Variants in ITIH6 observed in about 807,000 individuals in gnomAD.
ITIH6 encodes the protein inter-alpha-trypsin inhibitor heavy chain H6.
A neutral mutation model predicts 58.2 loss-of-function variants in ITIH6; 60 were observed. That is an observed-to-expected ratio of 1.03 (90% CI 0.84 to 1.28). The LOEUF is 1.28. Ranked by LOEUF, ITIH6 falls within the 50% of genes most tolerant of loss-of-function variation. ITIH6 has a pLI of 0.00. For synonymous variants in ITIH6, 493 were observed against 417.4 expected, an observed-to-expected ratio of 1.18 and a Z score of -2.21; for missense variants, 1,290 against 1,021.1, an observed-to-expected ratio of 1.26 and a Z score of -3.59.
rs184520476 is a variant in ITIH6, at chrX:54,752,022, C to T, written c.3353-642G>A. Among the ~76,000 whole-genome samples the T allele has an allele frequency of 2.7e-5, 3 of 111,495 alleles. No individual in the cohort carries two copies. The Admixed American group carries it at 2.9e-4, about 11-fold the overall frequency. ...TTGTATGCCCGAGTGTGTTGATGTC[C>T]ATGCCATTGTGTATATCTGGGCATG... On this transcript the variant is annotated intron_variant, in intron 11 of 12. Coordinates refer to ENST00000218436, the MANE Select transcript of ITIH6 (RefSeq NM_198510.3).
chrX:54,794,255 C>G (rs1365869617), intron 2 of ITIH6, among the ~76,000 whole-genome samples: 1 of 110,710 alleles, frequency 9.0e-6, no homozygotes, highest in Non-Finnish European at 1.9e-5. Flanking sequence ...TGTGTGTGTG[C>G]TGCCTCCAGC....
chrX:54,784,103 A>C (rs1429185817), intron 5 of ITIH6, among the ~76,000 whole-genome samples: 1 of 112,010 alleles, frequency 8.9e-6, no homozygotes, highest in Non-Finnish European at 1.9e-5. Context: ...AGTCGCCTCA[A>C]TAAATGGTGC....
At chrX:54,772,507 T>C (rs1928973720) in intron 6 of ITIH6, among the ~76,000 whole-genome samples, 1 of 112,378 alleles carries the variant, frequency 8.9e-6, no homozygotes, top group South Asian at 3.7e-4. Context: ...AAAATAAAAG[T>C]TGGAAAAAAA....
chrX:54,766,198 T>A (rs1386781669), intron 6 of ITIH6, among the ~76,000 whole-genome samples: 1 of 109,726 alleles, frequency 9.1e-6, no homozygotes, highest in Non-Finnish European at 1.9e-5. Flanking sequence ...CTGTCTGTTG[T>A]TGGTGTATAG....
At chrX:54,794,140 G>A (rs189363179) in intron 2 of ITIH6, among the ~76,000 whole-genome samples, 1 of 109,641 alleles carries the variant, frequency 9.1e-6, no homozygotes, top group East Asian at 2.9e-4. Flanking sequence ...GTATTGCTGT[G>A]GCTGGGCTAG....
chrX:54,770,587 C>T (rs1928929495), intron 6 of ITIH6, among the ~76,000 whole-genome samples: 1 of 112,482 alleles, frequency 8.9e-6, no homozygotes, highest in South Asian at 3.6e-4. Flanking sequence ...TTTCAAATAA[C>T]ACTATACAGC....
At chrX:54,775,498 A>C (rs1017267074) in intron 5 of ITIH6, among the ~76,000 whole-genome samples, 4 of 111,195 alleles carry the variant, frequency 3.6e-5, no homozygotes, top group African/African-American at 1.3e-4. Context: ...CAGCCTAAGG[A>C]AAGGAGGTCC....
At chrX:54,792,371 G>A (rs769550137) in intron 2 of ITIH6, among the ~76,000 whole-genome samples, 3 of 111,447 alleles carry the variant, frequency 2.7e-5, no homozygotes, top group African/African-American at 6.5e-5. Context: ...TTTTAGGTAC[G>A]ATATAACCGA....
chrX:54,750,777 C>T (rs1409864418), intron 12 of ITIH6, among the ~76,000 whole-genome samples: 2 of 111,824 alleles, frequency 1.8e-5, no homozygotes, highest in Non-Finnish European at 3.8e-5. Flanking sequence ...AATTCCCCCA[C>T]TCTGGTTTTC....
chrX:54,760,086 C>T (rs1329512113), intron 6 of ITIH6, among the ~76,000 whole-genome samples, 159 bp from the exon 7 acceptor site: 1 of 111,939 alleles, frequency 8.9e-6, no homozygotes, highest in African/African-American at 3.2e-5. Flanking sequence ...GGTGAAAAGA[C>T]TCTATGGGTT....
intron 6 of ITIH6, among the ~76,000 whole-genome samples, chrX:54,764,594 AT>A (rs1248597456): frequency 1.9e-5 from 2 of 103,303 alleles, no homozygotes; most frequent in Non-Finnish European, 4.0e-5. Flanking sequence ...TGAACTCATC[AT>A]TTTTTATGGC....
At chrX:54,756,785 G>C (rs750398042) in intron 8 of ITIH6, among the ~76,000 whole-genome samples, 180 bp downstream of exon 8, 9 of 110,547 alleles carry the variant, frequency 8.1e-5, no homozygotes, top group Non-Finnish European at 1.7e-4. Flanking sequence ...GCCCAGAGAA[G>C]TTAAGTAACT....
At chrX:54,761,501 A>T (rs1013696641) in intron 6 of ITIH6, among the ~76,000 whole-genome samples, 1 of 111,358 alleles carries the variant, frequency 9.0e-6, no homozygotes, top group Non-Finnish European at 1.9e-5. Context: ...TTTAGACATG[A>T]AGTCCTTGCC....
At chrX:54,767,116 G>C (rs1928808015) in intron 6 of ITIH6, among the ~76,000 whole-genome samples, 2 of 110,125 alleles carry the variant, frequency 1.8e-5, no homozygotes, top group African/African-American at 6.8e-5. Context: ...GTTTAGTCTT[G>C]GGAGAGTGTA....
At position 54,759,915 on chromosome X, in the gene ITIH6, T is replaced by C. The variant is rs763891490; in HGVS notation, c.916A>G (p.Met306Val). 1 of 1,207,823 alleles carries C rather than the reference T, an allele frequency of 8.3e-7. No individual in the cohort carries two copies. The highest frequency in any genetic ancestry group is 1.1e-6 in the Non-Finnish European group (1 of 892,712). Residue 306 changes from methionine (M) to valine (V), a missense_variant, in exon 7 of 13, where the codon ATG becomes GTG. Coordinates refer to ENST00000218436, the MANE Select transcript of ITIH6 (RefSeq NM_198510.3). ...TGAAGGTCACTGAGGATCACATTCA[T>C]GGCCGTTTTAGTCTGTGGGATATGG... ...GTKMEQTKTA[M>V]NVILSDLQAN...
intron 3 of ITIH6, among the ~76,000 whole-genome samples, 174 bp downstream of exon 3, chrX:54,791,752 C>G (rs1929352005): frequency 8.9e-6 from 1 of 111,999 alleles, no homozygotes; most frequent in Non-Finnish European, 1.9e-5. Flanking sequence ...GAACACCCAC[C>G]CTGTTACAGG....
Position 54,757,161 on chromosome X carries a change from G to A in ITIH6, c.2913C>T (p.Asn971=). The change falls in exon 8 of 13, where the codon AAC becomes AAT. Residue 971 remains asparagine, a synonymous_variant. Coordinates refer to ENST00000218436, the MANE Select transcript of ITIH6 (RefSeq NM_198510.3). The part of the protein sequence containing the change: ...RPGVPTMSLL[N]SSRPTPEGSP... ...TGCCTTCTGGTGTAGGCCTGGAGCT[G>A]TTGAGTAGGCTCATTGTTGGAACTC... is the stretch of plus-strand genomic sequence containing the variant. The A allele has an allele frequency of 8.3e-7, 1 of 1,210,608 alleles. No homozygotes were observed. Among genetic ancestry groups the A allele is most frequent in the African/African-American group, 1.7e-5 (1 of 57,711 alleles).
At chrX:54,765,939 G>A (rs1297288992) in intron 6 of ITIH6, among the ~76,000 whole-genome samples, 2 of 111,487 alleles carry the variant, frequency 1.8e-5, no homozygotes, top group Non-Finnish European at 1.9e-5. Flanking sequence ...AAAGTCATTG[G>A]TAGATTGATG....
chrX:54,755,659 G>A (rs1049661487), intron 8 of ITIH6, among the ~76,000 whole-genome samples: 4 of 109,965 alleles, frequency 3.6e-5, no homozygotes, highest in Admixed American at 9.8e-5. Flanking sequence ...TTATGAAGCA[G>A]AGACAGTAGC....
Sources: gnomAD v4.1 joint callset for allele counts (sites outside exome capture counted in the v4.1 genomes callset) on GRCh38, gnomAD v4.1.1 for gene constraint, MANE v1.5 for transcripts, NCBI Gene and HGNC (gene_info 2026-07-23, HGNC 2026-07-21) for gene names.